MND1: variants seen among roughly 807,000 people sequenced by gnomAD.
The protein encoded by MND1 is meiotic nuclear divisions 1.
MND1 carries 28 observed loss-of-function variants against 35.1 expected under a neutral mutation model. The ratio of observed to expected loss-of-function variants is 0.80; its 90% CI spans 0.59 to 1.09. The LOEUF (loss-of-function observed/expected upper bound fraction) is 1.09, where lower values mean the gene tolerates loss of function less well. Ranked by LOEUF, MND1 falls within the 50% of genes least tolerant of loss-of-function variation. The probability of loss-of-function intolerance (pLI) is 0.00; values close to 1 mark genes in which losing one functional copy is unlikely to be tolerated. For synonymous variants in MND1, 69 were observed against 70.5 expected, an observed-to-expected ratio of 0.98 and a Z score of 0.11; for missense variants, 213 against 239.6, an observed-to-expected ratio of 0.89 and a Z score of 0.73.
intron 1 of MND1, among the ~76,000 whole-genome samples, chr4:153,349,176 T>G (rs1297256515): frequency 6.6e-6 from 1 of 151,914 alleles, no homozygotes; most frequent in Non-Finnish European, 1.5e-5. Flanking sequence ...TAGCTTTATA[T>G]ATTCTATGTA....
At chr4:153,361,655 C>A in intron 4 of MND1, 1 of 410,468 alleles carries the variant, frequency 2.4e-6, no homozygotes, top group Non-Finnish European at 4.8e-6. Flanking sequence ...CTGGCTAACA[C>A]GGTGAAACCC....
chr4:153,350,625 C>T (rs919637500), intron 2 of MND1, among the ~76,000 whole-genome samples: 1 of 152,154 alleles, frequency 6.6e-6, no homozygotes, highest in Non-Finnish European at 1.5e-5. Flanking sequence ...ATATTTGTGC[C>T]TGCCATCAAC....
At chr4:153,386,733 A>C (rs552215908) in intron 4 of MND1, among the ~76,000 whole-genome samples, 4 of 152,246 alleles carry the variant, frequency 2.6e-5, no homozygotes, top group East Asian at 1.9e-4. Context: ...ACAACAACAA[A>C]AAAGAAATCA....
intron 4 of MND1, among the ~76,000 whole-genome samples, chr4:153,381,546 G>A (rs1174642916): frequency 6.8e-6 from 1 of 147,682 alleles, no homozygotes; most frequent in African/African-American, 2.5e-5. Context: ...TCCTGAAATA[G>A]CCTTAATTTC....
chr4:153,402,671 T>C (rs1225544084), intron 6 of MND1, among the ~76,000 whole-genome samples: 1 of 152,088 alleles, frequency 6.6e-6, no homozygotes, highest in African/African-American at 2.4e-5. Context: ...ATTATTTACA[T>C]GTTTGGTGGT....
intron 4 of MND1, among the ~76,000 whole-genome samples, chr4:153,381,470 G>A (rs1041069513): frequency 2.0e-5 from 3 of 150,552 alleles, no homozygotes; most frequent in Non-Finnish European, 4.4e-5. Flanking sequence ...ACAAAAAACT[G>A]GGCCTACAAT....
chr4:153,408,130 C>T (rs983169667), intron 6 of MND1, among the ~76,000 whole-genome samples: 1 of 152,058 alleles, frequency 6.6e-6, no homozygotes, highest in Non-Finnish European at 1.5e-5. Context: ...ATGAGCTGGG[C>T]ATGGTGGCGC....
chr4:153,345,349 A>C, intron 1 of MND1: 1 of 985,494 alleles, frequency 1.0e-6, no homozygotes, highest in Non-Finnish European at 1.2e-6. Flanking sequence ...CTGTGTGCCA[A>C]TTAGTCGATT....
At chr4:153,386,933 G>A (rs1463918542) in intron 4 of MND1, among the ~76,000 whole-genome samples, 1 of 152,204 alleles carries the variant, frequency 6.6e-6, no homozygotes, top group Admixed American at 6.5e-5. Context: ...TGGGGAGGGT[G>A]TTGTAGGGAT....
At chr4:153,351,145 T>A (rs779493638) in intron 2 of MND1, among the ~76,000 whole-genome samples, 3 of 152,188 alleles carry the variant, frequency 2.0e-5, no homozygotes, top group African/African-American at 7.2e-5. Flanking sequence ...ATTTTTCCTA[T>A]GGTCTCAGCA....
intron 3 of MND1, among the ~76,000 whole-genome samples, chr4:153,356,948 G>A (rs1773361773): frequency 6.6e-6 from 1 of 152,032 alleles, no homozygotes; most frequent in Admixed American, 6.6e-5. Context: ...TCAGCCTCAT[G>A]AGTAGCTGGG....
At chr4:153,346,050 A>G (rs1773070819) in intron 1 of MND1, among the ~76,000 whole-genome samples, 1 of 152,240 alleles carries the variant, frequency 6.6e-6, no homozygotes. Flanking sequence ...CTTTTAAAAA[A>G]TTAAAGCTTT....
chr4:153,413,446 G>A (rs961301718), intron 7 of MND1, among the ~76,000 whole-genome samples: 1 of 152,200 alleles, frequency 6.6e-6, no homozygotes, highest in Admixed American at 6.5e-5. Context: ...TTGGGAGGCC[G>A]AGGTGGGTGG....
At chr4:153,369,262 A>G (rs1171772782) in intron 4 of MND1, among the ~76,000 whole-genome samples, 3 of 152,246 alleles carry the variant, frequency 2.0e-5, no homozygotes, top group Non-Finnish European at 2.9e-5. Flanking sequence ...AGTCCAAGAC[A>G]GAAGCAGTAG....
intron 4 of MND1, 41 bp downstream of exon 4, chr4:153,358,663 C>T (rs372375110): frequency 4.1e-5 from 64 of 1,570,018 alleles, no homozygotes; most frequent in East Asian, 2.5e-4. Context: ...TGCTTTATAA[C>T]GGAGAGTTGT....
At chr4:153,357,534 G>A (rs1773376777) in intron 3 of MND1, among the ~76,000 whole-genome samples, 1 of 152,020 alleles carries the variant, frequency 6.6e-6, no homozygotes. Flanking sequence ...CTTCATCCTT[G>A]TCATCTTACA....
chr4:153,368,648 A>G (rs1026446534), intron 4 of MND1, among the ~76,000 whole-genome samples: 10 of 152,234 alleles, frequency 6.6e-5, no homozygotes, highest in African/African-American at 2.2e-4. Flanking sequence ...ATTCATGTCC[A>G]TATCACATTC....
At chr4:153,378,643 A>G (rs1728576299) in intron 4 of MND1, among the ~76,000 whole-genome samples, 1 of 152,216 alleles carries the variant, frequency 6.6e-6, no homozygotes, top group Non-Finnish European at 1.5e-5. Context: ...AAGACTATTT[A>G]CTGTCCTAGA....
chr4:153,412,626 G>A (rs532777375), intron 7 of MND1, among the ~76,000 whole-genome samples: 1 of 151,498 alleles, frequency 6.6e-6, no homozygotes, highest in South Asian at 2.1e-4. Flanking sequence ...GGGATTATAG[G>A]CGCACACCAC....
Sources: allele counts gnomAD v4.1 joint callset (sites outside exome capture counted in the v4.1 genomes callset), GRCh38; gene constraint gnomAD v4.1.1; transcripts MANE v1.5; gene names NCBI Gene and HGNC (gene_info 2026-07-23, HGNC 2026-07-21).